PRKCE: variants seen among roughly 807,000 people sequenced by gnomAD.
PRKCE encodes the protein protein kinase C epsilon type.
Under a neutral mutation model 85.4 loss-of-function variants are expected in PRKCE, and 16 were observed. That is an observed-to-expected ratio of 0.19 (90% CI 0.13 to 0.28). The LOEUF (loss-of-function observed/expected upper bound fraction) is 0.28, where lower values mean the gene tolerates loss of function less well. Ranked by LOEUF, PRKCE falls within the 10% of genes least tolerant of loss-of-function variation. The pLI is 1.00. For synonymous variants in PRKCE, 388 were observed against 371.5 expected, an observed-to-expected ratio of 1.04 and a Z score of -0.51; for missense variants, 573 against 975.2, an observed-to-expected ratio of 0.59 and a Z score of 5.49.
intron 1 of PRKCE, among the ~76,000 whole-genome samples, chr2:45,745,371 G>A (rs1314673921): frequency 6.6e-6 from 1 of 152,040 alleles, no homozygotes; most frequent in African/African-American, 2.4e-5. Context: ...GTCACCCTGG[G>A]GAGGCTTCTT....
chr2:45,836,215 G>T (rs964391827), intron 1 of PRKCE, among the ~76,000 whole-genome samples: 6 of 152,244 alleles, frequency 3.9e-5, no homozygotes, highest in African/African-American at 1.4e-4. Context: ...GTACACTGAA[G>T]CCTGCATGTC....
chr2:45,886,301 A>G (rs1374037196), intron 2 of PRKCE, among the ~76,000 whole-genome samples: 1 of 152,124 alleles, frequency 6.6e-6, no homozygotes, highest in African/African-American at 2.4e-5. Context: ...TGAGCTCCGT[A>G]GCCTGTGTCT....
intron 14 of PRKCE, among the ~76,000 whole-genome samples, chr2:46,183,655 G>A (rs61760003): frequency 0.01 from 1,591 of 152,250 alleles, 9 homozygotes; most frequent in Non-Finnish European, 0.015. Context: ...TAGTGAACCC[G>A]CTGCCCTGTG....
intron 2 of PRKCE, among the ~76,000 whole-genome samples, chr2:45,947,164 G>C (rs1288489835): frequency 6.6e-6 from 1 of 152,244 alleles, no homozygotes; most frequent in Non-Finnish European, 1.5e-5. Flanking sequence ...TCTGAGACAT[G>C]CTACAATATG....
intron 10 of PRKCE, among the ~76,000 whole-genome samples, chr2:46,037,065 G>T (rs1309395819): frequency 6.6e-6 from 1 of 152,146 alleles, no homozygotes; most frequent in Non-Finnish European, 1.5e-5. Context: ...AGGACACTTG[G>T]GTTCAGCCCC....
chr2:45,745,409 T>A (rs570255754), intron 1 of PRKCE, among the ~76,000 whole-genome samples: 1 of 152,156 alleles, frequency 6.6e-6, no homozygotes, highest in Non-Finnish European at 1.5e-5. Context: ...GTGCTTCGCT[T>A]TCTCATCCCT....
At chr2:45,924,876 AG>A (rs973338340) in intron 2 of PRKCE, among the ~76,000 whole-genome samples, 1 of 152,212 alleles carries the variant, frequency 6.6e-6, no homozygotes, top group African/African-American at 2.4e-5. Flanking sequence ...TACCAAAGCC[AG>A]GCCTGGGCTT....
intron 1 of PRKCE, among the ~76,000 whole-genome samples, chr2:45,780,225 A>G (rs1686075319): frequency 6.6e-6 from 1 of 152,250 alleles, no homozygotes; most frequent in African/African-American, 2.4e-5. Flanking sequence ...AATAAGGTCT[A>G]TACGTTGCAT....
At chr2:45,840,157 A>G (rs1428165729) in intron 1 of PRKCE, among the ~76,000 whole-genome samples, 1 of 152,164 alleles carries the variant, frequency 6.6e-6, no homozygotes, top group Non-Finnish European at 1.5e-5. Context: ...TAAAGTCCAC[A>G]GTCGTGGGAA....
chr2:46,015,429 A>G (rs1706041461), intron 10 of PRKCE, among the ~76,000 whole-genome samples: 1 of 152,176 alleles, frequency 6.6e-6, no homozygotes, highest in South Asian at 2.1e-4. Flanking sequence ...ATTTCCTGCC[A>G]GGCCTGGGAA....
chr2:45,749,783 G>A (rs1683402577), intron 1 of PRKCE, among the ~76,000 whole-genome samples: 1 of 152,188 alleles, frequency 6.6e-6, no homozygotes, highest in African/African-American at 2.4e-5. Flanking sequence ...GGTTTCTAAA[G>A]TCTTTGCTCT....
rs141365823 is a variant in PRKCE at position 46,035,678 on chromosome 2, G to A, written c.1437+25161G>A. On this transcript the variant is annotated intron_variant, in intron 10 of 14. Transcript: ENST00000306156. ...TGCGTGTGTATATAGTAGATGGTAA[G>A]GTAAATATAAATTACTATATATGGT... Among the ~76,000 whole-genome samples, 14 of 152,284 alleles carry A rather than the reference G, an allele frequency of 9.2e-5. No homozygotes were observed. In the East Asian group the frequency reaches 2.7e-3, roughly 29 times the overall value.
At chr2:46,088,123 C>G (rs1216279236) in intron 11 of PRKCE, among the ~76,000 whole-genome samples, 1 of 152,230 alleles carries the variant, frequency 6.6e-6, no homozygotes, top group Non-Finnish European at 1.5e-5. Context: ...AGGTAAGTCA[C>G]AGGCTCCACC....
At chr2:45,992,021 A>G (rs1293056045) in intron 6 of PRKCE, among the ~76,000 whole-genome samples, 3 of 152,232 alleles carry the variant, frequency 2.0e-5, no homozygotes, top group Non-Finnish European at 4.4e-5. Flanking sequence ...ACCTGGAGAT[A>G]AAACATTACT....
rs561568550 is a variant in PRKCE, at chr2:46,151,372, A to G, written c.1920+143A>G. On this transcript the variant is annotated intron_variant, in intron 13 of 14. Transcript: ENST00000306156. ...AGCTTTCTCCCTCCCACCTCTGCTCATCACCACGGAATGGGAAGGATTAAG... is the reference window on the plus strand; with the variant it reads ...AGCTTTCTCCCTCCCACCTCTGCTCGTCACCACGGAATGGGAAGGATTAAG... 19 of 889,674 alleles carry G rather than the reference A, an allele frequency of 2.1e-5. No homozygotes were observed. The African/African-American group carries it at 3.2e-4, about 15-fold the overall frequency. The allele number at this position is 889,674 out of a possible 1,614,324, so 55.1% of individuals were successfully genotyped here.
chr2:45,729,770 G>A (rs1051352530), intron 1 of PRKCE, among the ~76,000 whole-genome samples: 4 of 152,156 alleles, frequency 2.6e-5, no homozygotes, highest in South Asian at 2.1e-4. Context: ...TGCTGATTAG[G>A]CCAGAGTGGG....
intron 2 of PRKCE, among the ~76,000 whole-genome samples, chr2:45,904,918 C>T (rs1051212738): frequency 7.2e-5 from 11 of 152,090 alleles, no homozygotes; most frequent in Non-Finnish European, 1.5e-4. Flanking sequence ...GTCAGGGGAA[C>T]CTGGGGAGCT....
At position 45,776,522 on chromosome 2, in the gene PRKCE, C is replaced by G. The variant is rs945019796; in HGVS notation, c.349-66478C>G. Reference sequence around the variant, plus strand: ...AAGCCCAGAATCTCACCCACATGATCTTGCAGGCTTTTGCTCAAGGGACTT... The same window carrying G: ...AAGCCCAGAATCTCACCCACATGATGTTGCAGGCTTTTGCTCAAGGGACTT... On this transcript the variant is annotated intron_variant, in intron 1 of 14. Transcript: ENST00000306156. Among the ~76,000 whole-genome samples the G allele has an allele frequency of 4.6e-5, 7 of 152,326 alleles. No individual in the cohort carries two copies. In the East Asian group the frequency reaches 1.2e-3, roughly 25 times the overall value.
chr2:46,028,238 G>A (rs372729557), intron 10 of PRKCE, among the ~76,000 whole-genome samples: 6 of 152,256 alleles, frequency 3.9e-5, no homozygotes, highest in African/African-American at 9.6e-5. Context: ...CACCGCGTCC[G>A]GCCGAAGGTT....
Sources: allele counts gnomAD v4.1 joint callset (sites outside exome capture counted in the v4.1 genomes callset), GRCh38; gene constraint gnomAD v4.1.1; transcripts MANE v1.5; gene names NCBI Gene and HGNC (gene_info 2026-07-23, HGNC 2026-07-21).